KCNQ5: variants seen among roughly 807,000 people sequenced by gnomAD.
The protein encoded by KCNQ5 is potassium voltage-gated channel subfamily Q member 5.
KCNQ5 carries 30 observed loss-of-function variants against 98.2 expected under a neutral mutation model. That is an observed-to-expected ratio of 0.31 (90% CI 0.23 to 0.41). The LOEUF is 0.41. KCNQ5 is among the 10% of genes least tolerant of loss of function. The pLI is 1.00. For missense variants in KCNQ5, 835 were observed against 1,182.5 expected, an observed-to-expected ratio of 0.71 and a Z score of 4.31; for synonymous variants, 458 against 449.4, an observed-to-expected ratio of 1.02 and a Z score of -0.24.
chr6:72,746,804 A>T (rs1396828140), intron 1 of KCNQ5, among the ~76,000 whole-genome samples: 3 of 152,174 alleles, frequency 2.0e-5, no homozygotes, highest in Non-Finnish European at 4.4e-5. Context: ...CATTAACATT[A>T]ACAACATCCT....
chr6:72,733,283 A>C (rs1770647266), intron 1 of KCNQ5, among the ~76,000 whole-genome samples: 1 of 152,190 alleles, frequency 6.6e-6, no homozygotes, highest in Non-Finnish European at 1.5e-5. Context: ...GGAGAAGTGA[A>C]ACTAGGCAAT....
intron 1 of KCNQ5, among the ~76,000 whole-genome samples, chr6:72,679,489 C>T (rs1254255704): frequency 2.7e-5 from 4 of 146,730 alleles, no homozygotes; most frequent in African/African-American, 5.1e-5. Flanking sequence ...AACCAAACAC[C>T]GCATATTCTC....
chr6:72,782,904 G>A (rs1474706865), intron 1 of KCNQ5, among the ~76,000 whole-genome samples: 1 of 152,124 alleles, frequency 6.6e-6, no homozygotes, highest in Non-Finnish European at 1.5e-5. Flanking sequence ...ATGAATCAAT[G>A]ACTACAGCTA....
intron 1 of KCNQ5, among the ~76,000 whole-genome samples, chr6:72,892,728 A>G (rs2150184250): frequency 6.6e-6 from 1 of 152,034 alleles, no homozygotes; most frequent in African/African-American, 2.4e-5. Context: ...AAAAAAAAAG[A>G]CAATGTATCT....
rs1441358024 is a variant in KCNQ5 at position 73,197,500 on chromosome 6, G to C, written c.*2086G>C. The C allele has an allele frequency of 3.3e-5, 5 of 151,692 alleles. No individual in the cohort carries two copies. The highest frequency in any genetic ancestry group is 7.4e-5 in the Non-Finnish European group (5 of 67,962). The allele number at this position is 151,692 out of a possible 1,614,324, so 9.4% of individuals were successfully genotyped here. A position where few individuals can be genotyped will look rare whatever the true frequency, so the allele number is the denominator to read the frequency against. On this transcript the variant is annotated 3_prime_UTR_variant, in exon 14 of 14. Transcript: ENST00000370398. Reference sequence around the variant, plus strand: ...CAATTGTTTTCATTTTCAAAATACAGAATGTTAGTAAATTATGAAAATCAA... The same window carrying C: ...CAATTGTTTTCATTTTCAAAATACACAATGTTAGTAAATTATGAAAATCAA...
In KCNQ5 at chr6:72,634,224, C is replaced by G. The variant is rs1028585639; in HGVS notation, c.398+11637C>G. Among the ~76,000 whole-genome samples, 69 of 152,036 alleles carry G rather than the reference C, an allele frequency of 4.5e-4. 2 individuals carry two copies. The highest frequency in any genetic ancestry group is 4.1e-3 in the Admixed American group (63 of 15,274). ...GAATAAATGAATTATAGTTAAAATG[C>G]CTTATTACCTAGAATCAAGGAATTA... On this transcript the variant is annotated intron_variant, in intron 1 of 13. Coordinates refer to ENST00000370398, the MANE Select transcript of KCNQ5 (RefSeq NM_019842.4).
intron 1 of KCNQ5, among the ~76,000 whole-genome samples, chr6:72,939,583 A>G (rs899104041): frequency 2.0e-5 from 3 of 152,160 alleles, no homozygotes; most frequent in African/African-American, 4.8e-5. Context: ...TGTATTGTAT[A>G]TTGTTTTCTT....
At chr6:72,706,787 C>T (rs1389909163) in intron 1 of KCNQ5, among the ~76,000 whole-genome samples, 1 of 152,048 alleles carries the variant, frequency 6.6e-6, no homozygotes, top group Non-Finnish European at 1.5e-5. Context: ...ATAAAAAGAA[C>T]AAAATAGTTT....
At chr6:73,036,340 C>T (rs545027587) in intron 2 of KCNQ5, among the ~76,000 whole-genome samples, 8 of 146,838 alleles carry the variant, frequency 5.4e-5, no homozygotes, top group Admixed American at 4.8e-4. Context: ...GAGCCGAGAT[C>T]GCACCACTGC....
chr6:72,661,669 G>T (rs918439929), intron 1 of KCNQ5, among the ~76,000 whole-genome samples: 2 of 152,120 alleles, frequency 1.3e-5, no homozygotes, highest in African/African-American at 4.8e-5. Context: ...GTAGTGATTA[G>T]ATGAGATTTA....
chr6:73,159,309 A>G (rs1777519518), intron 10 of KCNQ5, among the ~76,000 whole-genome samples: 1 of 152,194 alleles, frequency 6.6e-6, no homozygotes, highest in South Asian at 2.1e-4. Flanking sequence ...GAACACATGG[A>G]CACAAAGAGG....
intron 11 of KCNQ5, among the ~76,000 whole-genome samples, chr6:73,170,407 A>G (rs3799278): frequency 0.1 from 15,002 of 146,066 alleles, 768 homozygotes; most frequent in African/African-American, 0.11. Context: ...TACCTTTTCC[A>G]TGACCTTTCC....
chr6:72,920,714 T>G (rs1780353990), intron 1 of KCNQ5, among the ~76,000 whole-genome samples: 1 of 152,242 alleles, frequency 6.6e-6, no homozygotes, highest in Admixed American at 6.5e-5. Flanking sequence ...TCTTACTAAA[T>G]ACCAGCCAAT....
intron 1 of KCNQ5, among the ~76,000 whole-genome samples, chr6:72,730,256 T>C (rs186006435): frequency 4.6e-5 from 7 of 152,348 alleles, no homozygotes; most frequent in Admixed American, 4.6e-4. Flanking sequence ...GTTAATTGAA[T>C]TGTAAATATT....
intron 1 of KCNQ5, among the ~76,000 whole-genome samples, chr6:72,826,251 A>T (rs1775988681): frequency 6.6e-6 from 1 of 152,174 alleles, no homozygotes; most frequent in African/African-American, 2.4e-5. Flanking sequence ...CCTTCCTGCA[A>T]GATTAGTCAT....
chr6:72,944,769 C>T (rs1198328269), intron 1 of KCNQ5, among the ~76,000 whole-genome samples: 1 of 152,134 alleles, frequency 6.6e-6, no homozygotes, highest in African/African-American at 2.4e-5. Context: ...AGCTGAAGGA[C>T]AGAGCAAAGA....
intron 5 of KCNQ5, among the ~76,000 whole-genome samples, chr6:73,100,535 G>A (rs1276445905): frequency 1.3e-5 from 2 of 151,878 alleles, no homozygotes; most frequent in Non-Finnish European, 2.9e-5. Flanking sequence ...TGGGCGTGGT[G>A]GCAGGCGCCT....
intron 10 of KCNQ5, among the ~76,000 whole-genome samples, chr6:73,142,559 G>A (rs572445487): frequency 1.3e-5 from 2 of 151,744 alleles, no homozygotes; most frequent in South Asian, 2.1e-4. Flanking sequence ...CACTCTTAGT[G>A]CAGACTCTCA....
At chr6:72,986,049 T>C (rs1768757982) in intron 1 of KCNQ5, among the ~76,000 whole-genome samples, 1 of 152,008 alleles carries the variant, frequency 6.6e-6, no homozygotes, top group South Asian at 2.1e-4. Context: ...GCCAACATGG[T>C]GAAAGCCCGT....
Sources: allele counts gnomAD v4.1 joint callset (sites outside exome capture counted in the v4.1 genomes callset), GRCh38; gene constraint gnomAD v4.1.1; transcripts MANE v1.5; gene names NCBI Gene and HGNC (gene_info 2026-07-23, HGNC 2026-07-21).